Variants in CAPS2 observed in about 807,000 individuals in gnomAD.
CAPS2 encodes calcyphosine 2.
CAPS2 carries 98 observed loss-of-function variants against 86.5 expected under a neutral mutation model. The observed-to-expected ratio is 1.13, with a 90% CI of 0.96 to 1.34. CAPS2 has a LOEUF of 1.34. Ranked by LOEUF, CAPS2 falls within the 40% of genes most tolerant of loss-of-function variation. CAPS2 has a pLI of 0.00. For synonymous variants in CAPS2, 210 were observed against 225.1 expected, an observed-to-expected ratio of 0.93 and a Z score of 0.60; for missense variants, 729 against 686.8, an observed-to-expected ratio of 1.06 and a Z score of -0.69.
chr12:75,345,196 A>G (rs1474538734), intron 1 of CAPS2, among the ~76,000 whole-genome samples: 2 of 152,064 alleles, frequency 1.3e-5, no homozygotes, highest in South Asian at 4.1e-4. Flanking sequence ...GAGTGTATCA[A>G]ACTTCTCCTG....
chr12:75,305,662 C>T, intron 7 of CAPS2: 2 of 645,988 alleles, frequency 3.1e-6, no homozygotes, highest in Admixed American at 3.6e-5. Context: ...CCCACCAGGC[C>T]CCTAGCACTG....
intron 1 of CAPS2, chr12:75,343,970 TTATTTGTGCA>T (rs1161022879): frequency 2.6e-6 from 4 of 1,529,100 alleles, no homozygotes; most frequent in Non-Finnish European, 3.6e-6. Context: ...TGATTAGTTC[TTATTTGTGCA>T]TATTTTAATT....
intron 1 of CAPS2, among the ~76,000 whole-genome samples, chr12:75,335,549 A>C (rs991403040): frequency 7.2e-5 from 11 of 152,132 alleles, no homozygotes; most frequent in Admixed American, 5.2e-4. Flanking sequence ...GTATTAGTCT[A>C]TTTTATGTGC....
chr12:75,343,364 T>C (rs1488841368), intron 1 of CAPS2, among the ~76,000 whole-genome samples: 1 of 152,050 alleles, frequency 6.6e-6, no homozygotes. Context: ...TTAATTGTAA[T>C]AAATTAACAT....
At chr12:75,369,521 G>T (rs1295967094) in intron 1 of CAPS2, 2 of 979,338 alleles carry the variant, frequency 2.0e-6, no homozygotes, top group Non-Finnish European at 2.4e-6. Context: ...ATGGTAAACT[G>T]GGGAGGAAAG....
intron 1 of CAPS2, among the ~76,000 whole-genome samples, chr12:75,385,979 A>G (rs1030451123): frequency 1.3e-5 from 2 of 152,224 alleles, no homozygotes; most frequent in African/African-American, 4.8e-5. Flanking sequence ...TTCCTTGTTC[A>G]TAAATAGAAT....
intron 1 of CAPS2, chr12:75,366,757 T>C (rs529689246): frequency 6.3e-6 from 4 of 636,270 alleles, no homozygotes; most frequent in South Asian, 1.8e-5. Context: ...AATGAGTCAT[T>C]TCCACGCTCT....
chr12:75,285,446 C>G (rs555323678), intron 14 of CAPS2, among the ~76,000 whole-genome samples: 1 of 151,822 alleles, frequency 6.6e-6, no homozygotes, highest in African/African-American at 2.4e-5. Flanking sequence ...AAATATTTAT[C>G]ATTTATTTGT....
intron 1 of CAPS2, among the ~76,000 whole-genome samples, chr12:75,389,051 A>G (rs2139876636): frequency 6.6e-6 from 1 of 152,362 alleles, no homozygotes; most frequent in East Asian, 1.9e-4. Flanking sequence ...GGGTGGCCTC[A>G]GGCAATTTGA....
At chr12:75,380,129 A>G (rs1320485032) in intron 1 of CAPS2, among the ~76,000 whole-genome samples, 1 of 152,196 alleles carries the variant, frequency 6.6e-6, no homozygotes, top group African/African-American at 2.4e-5. Flanking sequence ...TAAGTGTTAA[A>G]GAGATGTTTA....
At chr12:75,381,763 T>C (rs1481294057) in intron 1 of CAPS2, among the ~76,000 whole-genome samples, 1 of 151,762 alleles carries the variant, frequency 6.6e-6, no homozygotes, top group East Asian at 1.9e-4. Flanking sequence ...TACAGGCATG[T>C]GTCACCATGC....
chr12:75,333,665 A>G (rs1197743617), upstream of CAPS2: 1 of 152,132 alleles, frequency 6.6e-6, no homozygotes, highest in Non-Finnish European at 1.5e-5. Context: ...TTTATTTTTA[A>G]AAAGATAGTA....
chr12:75,298,622 C>G, intron 11 of CAPS2, 65 bp downstream of exon 11: 1 of 1,251,898 alleles, frequency 8.0e-7, no homozygotes, highest in Non-Finnish European at 1.2e-6. Context: ...ACTCCTCCAC[C>G]TCCATGGGAC....
chr12:75,294,383 T>G (rs2036527206), intron 11 of CAPS2, among the ~76,000 whole-genome samples: 1 of 152,228 alleles, frequency 6.6e-6, no homozygotes, highest in Non-Finnish European at 1.5e-5. Flanking sequence ...CTCTTTGAAA[T>G]GTATACAAAT....
At chr12:75,324,357 T>A (rs533779143) in intron 2 of CAPS2, among the ~76,000 whole-genome samples, 5 of 152,320 alleles carry the variant, frequency 3.3e-5, no homozygotes, top group Admixed American at 3.3e-4. Flanking sequence ...TATTTGTAAA[T>A]TGATTGCTAC....
upstream of CAPS2, chr12:75,334,651 G>T (rs1175573741): frequency 6.4e-6 from 10 of 1,554,312 alleles, no homozygotes; most frequent in Non-Finnish European, 8.7e-6. Context: ...GTGGTGCGGG[G>T]GCGTGGGGAA....
rs2036339963 is a variant in CAPS2 at position 75,293,372 on chromosome 12, A to G, written c.1045-5T>C. 2 of 1,546,924 alleles carry G rather than the reference A, an allele frequency of 1.3e-6. No homozygotes were observed. Among genetic ancestry groups the G allele is most frequent in the South Asian group, 2.3e-5 (2 of 87,592 alleles). Reference sequence around the variant, plus strand: ...CAAAAATGTCAAGGTTGCACCCTAAACAAAAGAACAGATGAATGAAGCTAG... The same window carrying G: ...CAAAAATGTCAAGGTTGCACCCTAAGCAAAAGAACAGATGAATGAAGCTAG... On this transcript the variant is annotated splice_region_variant and splice_polypyrimidine_tract_variant and intron_variant, in intron 11 of 16. Transcript: ENST00000393284.
chr12:75,294,082 C>A (rs1015594814), intron 11 of CAPS2, among the ~76,000 whole-genome samples: 2 of 152,066 alleles, frequency 1.3e-5, no homozygotes, highest in Non-Finnish European at 2.9e-5. Flanking sequence ...CAGGTGCCCA[C>A]CACCACGCCC....
chr12:75,306,020 A>C (rs2038437810), intron 7 of CAPS2: 1 of 1,463,942 alleles, frequency 6.8e-7, no homozygotes, highest in Non-Finnish European at 9.3e-7. Context: ...CCTGAGCCTC[A>C]TTCTACTTGA....
Sources: allele counts gnomAD v4.1 joint callset (sites outside exome capture counted in the v4.1 genomes callset), GRCh38; gene constraint gnomAD v4.1.1; transcripts MANE v1.5; gene names NCBI Gene and HGNC (gene_info 2026-07-23, HGNC 2026-07-21).